TENM2: variants seen among roughly 807,000 people sequenced by gnomAD.
TENM2 encodes the protein teneurin-2.
TENM2 carries 52 observed loss-of-function variants against 245.2 expected under a neutral mutation model. The observed-to-expected ratio is 0.21, with a 90% confidence interval of 0.17 to 0.27. The LOEUF (loss-of-function observed/expected upper bound fraction) is 0.27. TENM2 is among the 10% of genes least tolerant of loss of function. The pLI, the probability that TENM2 is intolerant of heterozygous loss-of-function variation, is 1.00. For synonymous variants in TENM2, 1,363 were observed against 1,438.9 expected (o/e 0.95, Z 1.19); for missense variants, 3,046 against 3,666.8 (o/e 0.83, Z 4.37).
chr5:168,111,691 A>G (rs1794680680), intron 9 of TENM2, among the ~76,000 whole-genome samples: 1 of 152,126 alleles, frequency 6.6e-6, no homozygotes, highest in Admixed American at 6.5e-5. Flanking sequence ...ATCTCCCTGA[A>G]AACTAGATTT....
the TENM2 span, among the ~76,000 whole-genome samples, chr5:167,079,626 A>G: frequency 6.6e-6 from 1 of 151,322 alleles, no homozygotes; most frequent in African/African-American, 2.4e-5. Context: ...TATATATTAT[A>G]TTACTATATT....
chr5:167,246,040 G>T, the TENM2 span, among the ~76,000 whole-genome samples: 6 of 152,140 alleles, frequency 3.9e-5, no homozygotes, highest in South Asian at 1.2e-3. Flanking sequence ...CTACCAGTGA[G>T]ATGAGTTACT....
the TENM2 span, among the ~76,000 whole-genome samples, chr5:167,061,344 C>G: frequency 1.3e-5 from 2 of 152,116 alleles, no homozygotes; most frequent in African/African-American, 2.4e-5. Context: ...AAGGGTAACA[C>G]CTTGCTCAGA....
At chr5:167,731,200 G>T (rs1193702849) in intron 2 of TENM2, among the ~76,000 whole-genome samples, 4 of 142,598 alleles carry the variant, frequency 2.8e-5, no homozygotes, top group South Asian at 2.3e-4. Flanking sequence ...CCTCCAGACA[G>T]TTTTTTTTTT....
At chr5:167,421,584 G>A (rs1233508028) in intron 2 of TENM2, among the ~76,000 whole-genome samples, 1 of 152,146 alleles carries the variant, frequency 6.6e-6, no homozygotes, top group East Asian at 1.9e-4. Context: ...AGGACAGAGT[G>A]TGGACGTTGG....
intron 12 of TENM2, among the ~76,000 whole-genome samples, chr5:168,160,557 C>T (rs537185678): frequency 2.1e-4 from 32 of 152,304 alleles, no homozygotes; most frequent in Non-Finnish European, 2.9e-4. Flanking sequence ...GGGACTGGCC[C>T]ACATAGGTCT....
chr5:167,873,182 C>T (rs1176587246), intron 2 of TENM2, among the ~76,000 whole-genome samples: 2 of 152,214 alleles, frequency 1.3e-5, no homozygotes, highest in African/African-American at 4.8e-5. Flanking sequence ...ATGAAGGAGC[C>T]ACTTTGAACT....
chr5:167,977,078 TA>T (rs1312074049), intron 4 of TENM2, among the ~76,000 whole-genome samples: 1 of 152,026 alleles, frequency 6.6e-6, no homozygotes, highest in Non-Finnish European at 1.5e-5. Context: ...GAAAACCAAA[TA>T]CCACATGTTT....
At position 167,452,948 on chromosome 5, in the gene TENM2, T is replaced by TATATATATATATATTTTAA. The variant is rs1554157747; in HGVS notation, c.502+77491_502+77492insTAAATATATATATATATTT. ...AGTATGATTTATATATATATATATA[T>TATATATATATATATTTTAA]ATATATATATATATTTAAAAAAAAA... On this transcript the variant is annotated intron_variant, in intron 2 of 28. Transcript: ENST00000518659. Among the ~76,000 whole-genome samples the TATATATATATATATTTTAA allele has an allele frequency of 4.0e-3, 188 of 47,482 alleles. 6 individuals carry two copies. Among genetic ancestry groups the TATATATATATATATTTTAA allele is most frequent in the Middle Eastern group, 0.021 (1 of 48 alleles). The allele number at this position is 47,482 out of a possible 152,430, so 31.2% of individuals were successfully genotyped here.
the TENM2 span, among the ~76,000 whole-genome samples, chr5:167,154,358 A>G: frequency 6.6e-6 from 1 of 152,200 alleles, no homozygotes; most frequent in Admixed American, 6.5e-5. Context: ...ACAGGTATTT[A>G]TAGAATTGAC....
At chr5:167,554,056 A>C (rs1773114999) in intron 2 of TENM2, among the ~76,000 whole-genome samples, 1 of 152,182 alleles carries the variant, frequency 6.6e-6, no homozygotes, top group African/African-American at 2.4e-5. Context: ...GTGTCTGGGG[A>C]TCATTCTATA....
chr5:167,945,757 C>T (rs1738226709), intron 3 of TENM2, among the ~76,000 whole-genome samples: 1 of 152,188 alleles, frequency 6.6e-6, no homozygotes, highest in South Asian at 2.1e-4. Context: ...TCATTCCTTA[C>T]AGGCAAGCAC....
chr5:167,393,945 C>G (rs1761910709), intron 2 of TENM2, among the ~76,000 whole-genome samples: 2 of 152,130 alleles, frequency 1.3e-5, no homozygotes, highest in Non-Finnish European at 2.9e-5. Context: ...AGATTACTCT[C>G]AATCCTGTGC....
chr5:168,199,020 G>A, exon 16 of TENM2: 1 of 1,613,948 alleles, frequency 6.2e-7, no homozygotes, highest in Non-Finnish European at 8.5e-7. Flanking sequence ...GACCTCAGTG[G>A]CTTTGTCCGG....
At chr5:168,001,882 T>TA (rs1356312549) in intron 5 of TENM2, among the ~76,000 whole-genome samples, 2 of 152,330 alleles carry the variant, frequency 1.3e-5, no homozygotes, top group East Asian at 3.9e-4. Flanking sequence ...ATCATTACCA[T>TA]AAAAAAGAAG....
At chr5:167,550,480 C>G (rs958747635) in intron 2 of TENM2, among the ~76,000 whole-genome samples, 5 of 152,014 alleles carry the variant, frequency 3.3e-5, no homozygotes, top group African/African-American at 9.7e-5. Flanking sequence ...TCTAACATTT[C>G]AGGGAGGGAG....
chr5:168,077,803 A>G (rs182875062), intron 7 of TENM2, among the ~76,000 whole-genome samples: 10 of 152,286 alleles, frequency 6.6e-5, no homozygotes, highest in Non-Finnish European at 1.2e-4. Context: ...TATATGTGCC[A>G]TATTTTCTTA....
the TENM2 span, among the ~76,000 whole-genome samples, chr5:167,177,962 C>T: frequency 6.6e-6 from 1 of 152,278 alleles, no homozygotes; most frequent in Non-Finnish European, 1.5e-5. Context: ...CAGCTGCCAC[C>T]TATTAACATG....
At chr5:167,735,837 A>G (rs1051260893) in intron 2 of TENM2, among the ~76,000 whole-genome samples, 1 of 152,104 alleles carries the variant, frequency 6.6e-6, no homozygotes, top group Non-Finnish European at 1.5e-5. Context: ...AAGAAAAGAA[A>G]AGAAAGTTCT....
Sources: gnomAD v4.1 joint callset for allele counts (sites outside exome capture counted in the v4.1 genomes callset) on GRCh38, gnomAD v4.1.1 for gene constraint, MANE v1.5 for transcripts, NCBI Gene and HGNC (gene_info 2026-07-23, HGNC 2026-07-21) for gene names.